The following SULF1 variants were observed in gnomAD, a reference collection of about 807,000 sequenced individuals.
SULF1 encodes extracellular sulfatase Sulf-1.
In SULF1, 46 loss-of-function variants were observed where a neutral mutation model predicts 110.5. The ratio of observed to expected loss-of-function variants is 0.42; its 90% CI spans 0.33 to 0.53. SULF1 has a LOEUF of 0.53. Among genes scored for constraint, SULF1 ranks in the 20% least tolerant of loss-of-function variants. SULF1 has a pLI of 0.12. For missense variants in SULF1, 941 were observed against 1,094.2 expected (o/e 0.86, Z 1.98); for synonymous variants, 371 against 387.1 (o/e 0.96, Z 0.49).
rs148555931 is a variant in SULF1 at position 69,638,784 on chromosome 8, A to T, written c.2477A>T (p.His826Leu). 3.7e-6 allele frequency: 6 copies of T among 1,614,176 alleles called. No individual in the cohort carries two copies. In the East Asian group the frequency reaches 1.3e-4, roughly 36 times the overall value. ...TVERGILNQL[H>L]VQLMELRSCQ... ...GAACGAGGCATTTTGAATCAGCTAC[A>T]CGTACAACTAATGGAGCTCAGAAGC... Residue 826 changes from histidine to leucine, a missense_variant, in exon 21 of 23, where the codon CAC becomes CTC. Physicochemically the swap from His to Leu is moderately conservative, Grantham distance 99. Transcript: ENST00000402687.
At chr8:69,653,327 C>T (rs1337141981) in intron 22 of SULF1, among the ~76,000 whole-genome samples, 1 of 152,156 alleles carries the variant, frequency 6.6e-6, no homozygotes, top group African/African-American at 2.4e-5. Context: ...ATCTCAGCCT[C>T]CCAGAGTGCT....
At chr8:69,515,554 C>A (rs1811871528) in intron 3 of SULF1, among the ~76,000 whole-genome samples, 1 of 152,184 alleles carries the variant, frequency 6.6e-6, no homozygotes, top group African/African-American at 2.4e-5. Flanking sequence ...ATCGTCTTGG[C>A]TATTAACATT....
At chr8:69,498,391 C>T (rs1157277117) in intron 2 of SULF1, among the ~76,000 whole-genome samples, 1 of 152,110 alleles carries the variant, frequency 6.6e-6, no homozygotes, top group African/African-American at 2.4e-5. Flanking sequence ...TAAAACAAAC[C>T]AAGGATCCAT....
intron 1 of SULF1, among the ~76,000 whole-genome samples, chr8:69,486,726 A>T (rs541378961): frequency 2.0e-5 from 3 of 152,276 alleles, no homozygotes; most frequent in South Asian, 4.1e-4. Flanking sequence ...TACTGGCCCA[A>T]GTGCTCATGT....
intron 13 of SULF1, among the ~76,000 whole-genome samples, chr8:69,615,646 G>A (rs968974715): frequency 1.3e-5 from 2 of 151,926 alleles, no homozygotes; most frequent in African/African-American, 4.8e-5. Context: ...ATATATGTAT[G>A]TATATTTGAT....
chr8:69,618,419 T>C (rs953996042), intron 13 of SULF1, among the ~76,000 whole-genome samples: 2 of 152,258 alleles, frequency 1.3e-5, no homozygotes, highest in Non-Finnish European at 2.9e-5. Flanking sequence ...AGCATTTACA[T>C]TGTATTAGAT....
At chr8:69,606,028 C>T (rs749038015) in intron 13 of SULF1, among the ~76,000 whole-genome samples, 10 of 152,204 alleles carry the variant, frequency 6.6e-5, no homozygotes, top group Non-Finnish European at 1.5e-4. Context: ...GATATCCACA[C>T]AATTCACCAA....
intron 1 of SULF1, chr8:69,467,193 C>T (rs894367966): frequency 7.2e-5 from 11 of 152,136 alleles, no homozygotes; most frequent in African/African-American, 7.2e-5. Flanking sequence ...CGCGTTTGTA[C>T]CTTTTCATAT....
chr8:69,594,552 A>G (rs145682739), intron 8 of SULF1, among the ~76,000 whole-genome samples: 315 of 151,580 alleles, frequency 2.1e-3, no homozygotes, highest in Admixed American at 4.8e-3. Context: ...CAAAGGAAAA[A>G]CTCCCTCTGT....
At chr8:69,533,391 T>C (rs1407504585) in intron 3 of SULF1, among the ~76,000 whole-genome samples, 1 of 152,128 alleles carries the variant, frequency 6.6e-6, no homozygotes, top group African/African-American at 2.4e-5. Flanking sequence ...TATCCTGATG[T>C]TCTCCCTCCC....
intron 19 of SULF1, among the ~76,000 whole-genome samples, chr8:69,633,010 C>A (rs561188341): frequency 6.8e-6 from 1 of 146,048 alleles, no homozygotes. Flanking sequence ...AGAGTGAGAC[C>A]GCATGTCAGA....
chr8:69,502,487 G>A (rs886853310), intron 3 of SULF1, among the ~76,000 whole-genome samples: 1 of 152,060 alleles, frequency 6.6e-6, no homozygotes, highest in Non-Finnish European at 1.5e-5. Flanking sequence ...TCACCTTGGT[G>A]GCAAAAACAT....
chr8:69,553,316 G>T (rs1427079989), intron 3 of SULF1, among the ~76,000 whole-genome samples: 2 of 152,206 alleles, frequency 1.3e-5, no homozygotes, highest in Non-Finnish European at 2.9e-5. Flanking sequence ...GATATGGAGG[G>T]CCAGACGCAT....
chr8:69,499,258 G>A (rs970693650), intron 2 of SULF1, among the ~76,000 whole-genome samples: 1 of 152,174 alleles, frequency 6.6e-6, no homozygotes, highest in South Asian at 2.1e-4. Flanking sequence ...ATACACATTA[G>A]CATAATTCTA....
At chr8:69,514,555 C>T (rs1811793820) in intron 3 of SULF1, among the ~76,000 whole-genome samples, 1 of 152,218 alleles carries the variant, frequency 6.6e-6, no homozygotes, top group African/African-American at 2.4e-5. Flanking sequence ...ATCTCATGTC[C>T]TTGTCACATT....
At chr8:69,614,643 C>T (rs929969092) in intron 13 of SULF1, among the ~76,000 whole-genome samples, 5 of 152,218 alleles carry the variant, frequency 3.3e-5, no homozygotes, top group African/African-American at 2.4e-5. Context: ...TATTTATATA[C>T]AGGCAGATAT....
intron 9 of SULF1, 109 bp downstream of exon 9, chr8:69,600,862 T>A: frequency 1.6e-6 from 2 of 1,239,862 alleles, no homozygotes; most frequent in East Asian, 4.7e-5. Flanking sequence ...CCAGCATCAT[T>A]TTGAGAGAGA....
At chr8:69,534,794 C>T (rs576793939) in intron 3 of SULF1, among the ~76,000 whole-genome samples, 65 of 151,682 alleles carry the variant, frequency 4.3e-4, no homozygotes, top group Middle Eastern at 3.4e-3. Flanking sequence ...ATACAACTGA[C>T]GTCATACATA....
intron 8 of SULF1, among the ~76,000 whole-genome samples, chr8:69,595,448 C>A (rs944827480): frequency 2.0e-5 from 3 of 152,188 alleles, no homozygotes; most frequent in Admixed American, 6.5e-5. Context: ...TATTATCCTG[C>A]ATATGTTCAA....
Sources: gnomAD v4.1 joint callset for allele counts (sites outside exome capture counted in the v4.1 genomes callset) on GRCh38, gnomAD v4.1.1 for gene constraint, MANE v1.5 for transcripts, NCBI Gene and HGNC (gene_info 2026-07-23, HGNC 2026-07-21) for gene names.